The following MAP2 variants were observed in gnomAD, a reference collection of about 807,000 sequenced individuals.
MAP2 encodes microtubule associated protein 2.
In MAP2, 14 loss-of-function variants were observed where a neutral mutation model predicts 137.6. The observed-to-expected ratio is 0.10, with a 90% CI of 0.07 to 0.16. The LOEUF (loss-of-function observed/expected upper bound fraction) is 0.16, where lower values mean the gene tolerates loss of function less well. Among genes scored for constraint, MAP2 ranks in the 10% least tolerant of loss-of-function variants. The pLI is 1.00. For synonymous variants in MAP2, 786 were observed against 782.3 expected (o/e 1.00, Z -0.08); for missense variants, 2,088 against 2,191.5 (o/e 0.95, Z 0.94).
intron 14 of MAP2, among the ~76,000 whole-genome samples, chr2:209,729,244 G>C (rs2153818309): frequency 6.6e-6 from 1 of 152,304 alleles, no homozygotes; most frequent in East Asian, 1.9e-4. Context: ...ATACAAGAAA[G>C]AGATGATGAT....
At chr2:209,682,570 T>C (rs1416262849) in intron 7 of MAP2, among the ~76,000 whole-genome samples, 3 of 152,056 alleles carry the variant, frequency 2.0e-5, no homozygotes, top group Non-Finnish European at 4.4e-5. Context: ...TCAAATTGGA[T>C]TAGCATTGAA....
chr2:209,575,589 A>G (rs987273749), intron 2 of MAP2, among the ~76,000 whole-genome samples: 6 of 151,544 alleles, frequency 4.0e-5, no homozygotes, highest in African/African-American at 1.5e-4. Flanking sequence ...AAAAGGCAAT[A>G]TTTTTAAGAA....
intron 4 of MAP2, among the ~76,000 whole-genome samples, chr2:209,628,943 C>A (rs1245377640): frequency 6.6e-6 from 1 of 152,190 alleles, no homozygotes; most frequent in African/African-American, 2.4e-5. Flanking sequence ...CAGTGATAGT[C>A]GTTGCCCTTT....
chr2:209,697,840 T>A (rs1168001157), intron 10 of MAP2, among the ~76,000 whole-genome samples: 1 of 152,134 alleles, frequency 6.6e-6, no homozygotes, highest in Non-Finnish European at 1.5e-5. Context: ...TATTTTTACT[T>A]TGCTGTCTAC....
chr2:209,706,221 A>G (rs1311224997), intron 12 of MAP2, among the ~76,000 whole-genome samples: 2 of 152,106 alleles, frequency 1.3e-5, no homozygotes, highest in East Asian at 1.9e-4. Flanking sequence ...AATAGGTTCA[A>G]ATTATCTTGA....
intron 4 of MAP2, among the ~76,000 whole-genome samples, chr2:209,642,638 A>C (rs116522853): frequency 0.018 from 2,681 of 152,250 alleles, 29 homozygotes; most frequent in Non-Finnish European, 0.029. Flanking sequence ...TTTATTAGTC[A>C]TGGTATGTGA....
At chr2:209,727,283 A>G (rs923750465) in intron 14 of MAP2, among the ~76,000 whole-genome samples, 3 of 152,226 alleles carry the variant, frequency 2.0e-5, no homozygotes, top group South Asian at 2.1e-4. Flanking sequence ...GTCTACAAAC[A>G]CTAAATTGAC....
intron 10 of MAP2, among the ~76,000 whole-genome samples, chr2:209,698,282 A>C (rs946241025): frequency 2.0e-5 from 3 of 152,318 alleles, no homozygotes; most frequent in Middle Eastern, 6.8e-3. Flanking sequence ...ACTTTTTTCT[A>C]AATTTCAGGG....
chr2:209,594,190 G>A (rs2080589888), intron 3 of MAP2, among the ~76,000 whole-genome samples: 1 of 149,382 alleles, frequency 6.7e-6, no homozygotes, highest in African/African-American at 2.5e-5. Context: ...GCAACAGCTG[G>A]CAAGCTGGCA....
intron 11 of MAP2, 30 bp from the exon 12 acceptor site, chr2:209,705,550 C>T (rs1584098155): frequency 1.3e-6 from 2 of 1,545,038 alleles, no homozygotes; most frequent in Non-Finnish European, 1.7e-6. Flanking sequence ...GTTACAAGAA[C>T]CCAATGTTCT....
chr2:209,517,516 A>C (rs1553567890), intron 2 of MAP2, among the ~76,000 whole-genome samples: 6 of 152,030 alleles, frequency 3.9e-5, no homozygotes, highest in Non-Finnish European at 8.8e-5. Flanking sequence ...TTCTCTTTGG[A>C]TTGAGCATAG....
At position 209,729,965 on chromosome 2, in the gene MAP2, A is replaced by C. The variant is rs1436268725; in HGVS notation, c.5268+3A>C. On this transcript the variant is annotated splice_donor_region_variant and intron_variant, in intron 15 of 15. Coordinates refer to ENST00000682079, the MANE Select transcript of MAP2 (RefSeq NM_001375505.1). ...TACCTGGAGGTGGTAATGTCAAGGT[A>C]AGAAACAAGGTTATGAGCCAATCTT... The C allele has an allele frequency of 6.3e-7, 1 of 1,584,830 alleles. No homozygotes were observed. Among genetic ancestry groups the C allele is most frequent in the Non-Finnish European group, 8.6e-7 (1 of 1,158,020 alleles).
intron 5 of MAP2, among the ~76,000 whole-genome samples, chr2:209,659,770 G>A (rs184521295): frequency 1.3e-5 from 2 of 152,228 alleles, no homozygotes; most frequent in East Asian, 3.9e-4. Flanking sequence ...CGGGCGTGGT[G>A]GCTCATGCCT....
chr2:209,429,551 C>A (rs1220617039), intron 1 of MAP2, among the ~76,000 whole-genome samples: 2 of 152,020 alleles, frequency 1.3e-5, no homozygotes, highest in Non-Finnish European at 2.9e-5. Flanking sequence ...TAAAATATTC[C>A]TAATTACATT....
At position 209,534,434 on chromosome 2, in the gene MAP2, G is replaced by T. The variant is rs183825015; in HGVS notation, c.-172+26793G>T. Among the ~76,000 whole-genome samples the T allele has an allele frequency of 1.6e-4, 25 of 152,214 alleles. No individual in the cohort carries two copies. The East Asian group carries it at 4.1e-3, about 25-fold the overall frequency. On this transcript the variant is annotated intron_variant, in intron 2 of 15. Transcript: ENST00000682079. ...CTGTGATTTAGTCATTTGCCAGGGG[G>T]TTATGGTAGTAGTCTAACCTACTGG...
intron 2 of MAP2, among the ~76,000 whole-genome samples, chr2:209,528,643 C>T (rs934295590): frequency 4.6e-5 from 7 of 151,818 alleles, no homozygotes; most frequent in African/African-American, 1.7e-4. Flanking sequence ...AGCATCAGAA[C>T]TTGGGTTCTT....
intron 5 of MAP2, among the ~76,000 whole-genome samples, chr2:209,672,941 A>G (rs896347031): frequency 6.6e-6 from 1 of 151,802 alleles, no homozygotes; most frequent in African/African-American, 2.4e-5. Context: ...AATCTCCTGT[A>G]TGTGTTTCCA....
chr2:209,715,808 A>G (rs924872475), intron 13 of MAP2, among the ~76,000 whole-genome samples: 4 of 152,254 alleles, frequency 2.6e-5, no homozygotes, highest in Non-Finnish European at 5.9e-5. Context: ...CTGATGCCAC[A>G]TACATCTTTG....
At chr2:209,720,345 T>G (rs1326187084) in intron 13 of MAP2, among the ~76,000 whole-genome samples, 2 of 152,104 alleles carry the variant, frequency 1.3e-5, no homozygotes, top group Non-Finnish European at 2.9e-5. Flanking sequence ...AGTAAAAATT[T>G]TACTTGAAAT....
Sources: allele counts gnomAD v4.1 joint callset (sites outside exome capture counted in the v4.1 genomes callset), GRCh38; gene constraint gnomAD v4.1.1; transcripts MANE v1.5; gene names NCBI Gene and HGNC (gene_info 2026-07-23, HGNC 2026-07-21).